The following PALM2AKAP2 variants were observed in gnomAD, a reference collection of about 807,000 sequenced individuals.
The protein encoded by PALM2AKAP2 is PALM2 and AKAP2 fusion.
A neutral mutation model predicts 71.5 loss-of-function variants in PALM2AKAP2; 37 were observed. The ratio of observed to expected loss-of-function variants is 0.52; its 90% CI spans 0.40 to 0.68. PALM2AKAP2 has a LOEUF of 0.68. Among genes scored for constraint, PALM2AKAP2 ranks in the 30% least tolerant of loss-of-function variants. PALM2AKAP2 has a pLI of 0.00. For missense variants in PALM2AKAP2, 1,224 were observed against 1,191.8 expected (o/e 1.03, Z -0.40); for synonymous variants, 468 against 478.8 (o/e 0.98, Z 0.29).
At chr9:110,075,942 C>T (rs1338296825) in intron 1 of PALM2AKAP2, among the ~76,000 whole-genome samples, 1 of 151,454 alleles carries the variant, frequency 6.6e-6, no homozygotes, top group Non-Finnish European at 1.5e-5. Context: ...GATATCATGC[C>T]CCTTTATATT....
At chr9:110,038,616 G>T (rs970929271) in intron 7 of PALM2AKAP2, among the ~76,000 whole-genome samples, 2 of 151,914 alleles carry the variant, frequency 1.3e-5, no homozygotes, top group South Asian at 4.2e-4. Flanking sequence ...GGGAATTGAG[G>T]TGGTAGGATC....
At chr9:109,842,450 C>T (rs78341776) in intron 1 of PALM2AKAP2, among the ~76,000 whole-genome samples, 2,583 of 152,294 alleles carry the variant, frequency 0.017, 93 homozygotes, top group East Asian at 0.16. Context: ...CAATTTGCCA[C>T]TTCTGGTGAG....
At chr9:109,964,542 A>G (rs1390944767) in intron 6 of PALM2AKAP2, among the ~76,000 whole-genome samples, 7 of 152,172 alleles carry the variant, frequency 4.6e-5, no homozygotes, top group African/African-American at 1.4e-4. Flanking sequence ...ACTTAACCCA[A>G]TTTAGCCTGT....
intron 1 of PALM2AKAP2, among the ~76,000 whole-genome samples, chr9:110,126,331 C>T (rs1316271093): frequency 6.6e-6 from 1 of 152,170 alleles, no homozygotes; most frequent in Non-Finnish European, 1.5e-5. Flanking sequence ...GGCGTGAACC[C>T]AAGATCTGGA....
chr9:109,711,561 G>C (rs764100284), intron 1 of PALM2AKAP2, among the ~76,000 whole-genome samples: 10 of 152,242 alleles, frequency 6.6e-5, no homozygotes, highest in Non-Finnish European at 1.3e-4. Context: ...AGTCTGAGTT[G>C]AAGGATTATG....
At chr9:109,839,733 G>A (rs557877419) in intron 1 of PALM2AKAP2, among the ~76,000 whole-genome samples, 1 of 152,136 alleles carries the variant, frequency 6.6e-6, no homozygotes, top group South Asian at 2.1e-4. Context: ...CAATAACAGA[G>A]AGCCAAATCA....
At chr9:109,963,722 G>C (rs1349414603) in intron 6 of PALM2AKAP2, among the ~76,000 whole-genome samples, 2 of 152,188 alleles carry the variant, frequency 1.3e-5, no homozygotes. Context: ...CACCTCCCAA[G>C]ACTCTGAATT....
At chr9:109,772,977 G>A (rs1829292719) in intron 1 of PALM2AKAP2, among the ~76,000 whole-genome samples, 1 of 152,180 alleles carries the variant, frequency 6.6e-6, no homozygotes, top group Non-Finnish European at 1.5e-5. Context: ...AATTAGCCGG[G>A]TGTGGTGGCG....
chr9:110,110,827 G>A (rs973497929), intron 1 of PALM2AKAP2, among the ~76,000 whole-genome samples: 10 of 151,252 alleles, frequency 6.6e-5, no homozygotes, highest in African/African-American at 9.7e-5. Context: ...GATTACAGGC[G>A]TGAGCCACCA....
At chr9:109,916,205 A>G (rs961155663) in intron 3 of PALM2AKAP2, among the ~76,000 whole-genome samples, 2 of 152,278 alleles carry the variant, frequency 1.3e-5, no homozygotes, top group East Asian at 1.9e-4. Context: ...TGGCCTCCCA[A>G]TGTATTGGCT....
At chr9:109,992,016 A>C (rs1367105583) in intron 6 of PALM2AKAP2, among the ~76,000 whole-genome samples, 3 of 152,232 alleles carry the variant, frequency 2.0e-5, no homozygotes, top group Admixed American at 1.3e-4. Flanking sequence ...CTGCCATAGC[A>C]AAGTACCACA....
chr9:110,139,025 G>A (rs1167360653), intron 2 of PALM2AKAP2, among the ~76,000 whole-genome samples: 1 of 152,152 alleles, frequency 6.6e-6, no homozygotes, highest in Non-Finnish European at 1.5e-5. Context: ...TCATGGCATG[G>A]CATTGCAGAC....
intron 6 of PALM2AKAP2, among the ~76,000 whole-genome samples, chr9:109,971,884 C>T (rs1832076774): frequency 6.6e-6 from 1 of 152,192 alleles, no homozygotes; most frequent in Non-Finnish European, 1.5e-5. Flanking sequence ...GCCATTCCTC[C>T]AAGACACACT....
chr9:109,738,407 T>A (rs796282739), intron 1 of PALM2AKAP2, among the ~76,000 whole-genome samples: 11 of 152,322 alleles, frequency 7.2e-5, no homozygotes, highest in African/African-American at 2.6e-4. Flanking sequence ...ACTGTCTTTA[T>A]TCATAGAATA....
intron 6 of PALM2AKAP2, among the ~76,000 whole-genome samples, chr9:109,939,857 G>T (rs1831318651): frequency 6.6e-6 from 1 of 152,234 alleles, no homozygotes; most frequent in African/African-American, 2.4e-5. Context: ...AGATCTTTAT[G>T]CTGAACAAGT....
At chr9:109,826,108 G>A (rs561028329) in intron 1 of PALM2AKAP2, among the ~76,000 whole-genome samples, 190 of 151,274 alleles carry the variant, frequency 1.3e-3, no homozygotes, top group African/African-American at 4.3e-3. Flanking sequence ...GCAAACTATC[G>A]CAAGGACAAA....
chr9:109,904,239 T>C (rs1277991360), intron 3 of PALM2AKAP2, among the ~76,000 whole-genome samples: 1 of 152,240 alleles, frequency 6.6e-6, no homozygotes, highest in African/African-American at 2.4e-5. Flanking sequence ...TTTTATAGAT[T>C]GAGGAGAAAA....
chr9:109,838,228 CA>C (rs1408493564), intron 1 of PALM2AKAP2, among the ~76,000 whole-genome samples: 1 of 152,188 alleles, frequency 6.6e-6, no homozygotes, highest in Non-Finnish European at 1.5e-5. Context: ...GAAACTCACT[CA>C]AAACTGCACA....
At chr9:109,671,713 T>C (rs1293044065) in intron 1 of PALM2AKAP2, among the ~76,000 whole-genome samples, 1 of 152,212 alleles carries the variant, frequency 6.6e-6, no homozygotes, top group African/African-American at 2.4e-5. Context: ...ATATTGATTC[T>C]TCTTATCCAT....
Sources: gnomAD v4.1 joint callset for allele counts (sites outside exome capture counted in the v4.1 genomes callset) on GRCh38, gnomAD v4.1.1 for gene constraint, MANE v1.5 for transcripts, NCBI Gene and HGNC (gene_info 2026-07-23, HGNC 2026-07-21) for gene names.